PTPRA: variants seen among roughly 807,000 people sequenced by gnomAD.
PTPRA encodes the protein protein tyrosine phosphatase receptor type A.
PTPRA carries 25 observed loss-of-function variants against 104.8 expected under a neutral mutation model. The ratio of observed to expected loss-of-function variants is 0.24; its 90% CI spans 0.17 to 0.33. PTPRA has a LOEUF of 0.33. Ranked by LOEUF, PTPRA falls within the 10% of genes least tolerant of loss-of-function variation. The pLI, the probability that PTPRA is intolerant of heterozygous loss-of-function variation, is 1.00. For missense variants in PTPRA, 765 were observed against 1,015.3 expected (o/e 0.75, Z 3.35); for synonymous variants, 323 against 368.9 (o/e 0.88, Z 1.43).
At chr20:2,885,223 C>T (rs2090314878) in intron 1 of PTPRA, among the ~76,000 whole-genome samples, 1 of 152,092 alleles carries the variant, frequency 6.6e-6, no homozygotes, top group African/African-American at 2.4e-5. Context: ...TTTTTTTTAA[C>T]TGTAGCCATC....
chr20:2,879,918 G>A (rs142455593), intron 1 of PTPRA, among the ~76,000 whole-genome samples: 2 of 152,262 alleles, frequency 1.3e-5, no homozygotes, highest in Admixed American at 6.5e-5. Flanking sequence ...ATCACATCAG[G>A]ACTCATCCTC....
chr20:2,985,547 A>G (rs1475598960), intron 6 of PTPRA, among the ~76,000 whole-genome samples: 1 of 152,082 alleles, frequency 6.6e-6, no homozygotes, highest in Non-Finnish European at 1.5e-5. Context: ...GTGGAGGCGG[A>G]TGAGTCAGTG....
intron 11 of PTPRA, among the ~76,000 whole-genome samples, chr20:3,011,276 G>A (rs1474403996): frequency 6.6e-6 from 1 of 152,218 alleles, no homozygotes; most frequent in Non-Finnish European, 1.5e-5. Context: ...TAAGTGGGAA[G>A]CAGGGATTAA....
intron 3 of PTPRA, among the ~76,000 whole-genome samples, chr20:2,962,181 A>G (rs905141961): frequency 2.6e-5 from 4 of 152,232 alleles, no homozygotes; most frequent in African/African-American, 7.2e-5. Context: ...TTATTTGGGA[A>G]TAACTGACAT....
At chr20:2,942,915 T>TTAA (rs1447616248) in intron 2 of PTPRA, among the ~76,000 whole-genome samples, 4 of 151,968 alleles carry the variant, frequency 2.6e-5, no homozygotes, top group Non-Finnish European at 5.9e-5. Context: ...GTGATAAAGT[T>TTAA]TAATTTATAA....
intron 6 of PTPRA, among the ~76,000 whole-genome samples, chr20:2,985,492 A>G (rs894966025): frequency 6.6e-6 from 1 of 152,194 alleles, no homozygotes; most frequent in Non-Finnish European, 1.5e-5. Flanking sequence ...ATAGTTACCA[A>G]GCCACTCTGA....
At chr20:2,888,345 A>C (rs1414813315) in intron 1 of PTPRA, among the ~76,000 whole-genome samples, 2 of 152,126 alleles carry the variant, frequency 1.3e-5, no homozygotes, top group South Asian at 4.1e-4. Flanking sequence ...GGATCACTTG[A>C]GCCCAGGAGT....
intron 6 of PTPRA, 99 bp from the exon 7 acceptor site, chr20:2,986,666 T>A: frequency 2.0e-6 from 2 of 1,016,748 alleles, no homozygotes; most frequent in Non-Finnish European, 3.1e-6. Context: ...GCAGAAGGAC[T>A]GAATGAGCTC....
chr20:2,940,687 AAGAG>A (rs1043214280), intron 2 of PTPRA, among the ~76,000 whole-genome samples: 1 of 152,172 alleles, frequency 6.6e-6, no homozygotes, highest in African/African-American at 2.4e-5. Context: ...CAGAGAGAAA[AAGAG>A]AGAGAGAAAA....
chr20:2,953,128 T>C (rs2061407879), intron 3 of PTPRA, among the ~76,000 whole-genome samples: 1 of 152,232 alleles, frequency 6.6e-6, no homozygotes, highest in Admixed American at 6.5e-5. Context: ...GGAATTGCCA[T>C]ACTGATTTCT....
At chr20:2,924,849 T>A (rs1410394177) in intron 2 of PTPRA, among the ~76,000 whole-genome samples, 1 of 151,988 alleles carries the variant, frequency 6.6e-6, no homozygotes, top group East Asian at 1.9e-4. Flanking sequence ...CCCAGCTAAT[T>A]TTTGTATTTT....
At chr20:2,985,316 G>A (rs1386621898) in intron 6 of PTPRA, among the ~76,000 whole-genome samples, 2 of 152,234 alleles carry the variant, frequency 1.3e-5, no homozygotes, top group African/African-American at 4.8e-5. Context: ...CTGTGTTTCG[G>A]AAAGTCAGCT....
At chr20:2,967,149 C>G (rs2061975552) in intron 5 of PTPRA, among the ~76,000 whole-genome samples, 1 of 152,158 alleles carries the variant, frequency 6.6e-6, no homozygotes, top group African/African-American at 2.4e-5. Flanking sequence ...ACAAATTAGG[C>G]CTATTTCTCA....
Position 2,950,512 on chromosome 20 carries a change from A to G in PTPRA, c.-7+2488A>G, listed in dbSNP as rs1046175889. 4.6e-5 allele frequency among the ~76,000 whole-genome samples: 7 copies of G among 151,786 alleles called. No individual in the cohort carries two copies. Among genetic ancestry groups the G allele is most frequent in the African/African-American group, 1.5e-4 (6 of 41,368 alleles). On this transcript the variant is annotated intron_variant, in intron 3 of 23. Transcript: ENST00000399903. This position sits in a 1 kb window ranked among gnomAD's most constrained non-coding sequence, Gnocchi z 4.0. ...AAAAAAATTAGCCGGGCGTGGTGGC[A>G]GGCACCTGTAGTCCCAGCTACTCAG...
intron 2 of PTPRA, among the ~76,000 whole-genome samples, chr20:2,944,223 G>C (rs1464267017): frequency 6.6e-6 from 1 of 151,892 alleles, no homozygotes; most frequent in East Asian, 1.9e-4. Flanking sequence ...TTTATTTTTA[G>C]TAGATATAGG....
At chr20:2,969,212 C>CA (rs372710655) in intron 5 of PTPRA, among the ~76,000 whole-genome samples, 1,562 of 138,646 alleles carry the variant, frequency 0.011, 15 homozygotes, top group Middle Eastern at 0.044. Context: ...GACTCTATCT[C>CA]AAAAAAAAAA....
chr20:3,032,542 C>CCGAT (rs2065522073), intron 20 of PTPRA, among the ~76,000 whole-genome samples: 1 of 151,628 alleles, frequency 6.6e-6, no homozygotes, highest in Non-Finnish European at 1.5e-5. Flanking sequence ...CCAAGGTGGG[C>CCGAT]GGATCACAAA....
intron 19 of PTPRA, 66 bp from the exon 20 acceptor site, chr20:3,027,640 CT>C (rs2065212198): frequency 2.6e-6 from 4 of 1,560,042 alleles, no homozygotes; most frequent in Non-Finnish European, 3.5e-6. Context: ...TTCTAGTGGT[CT>C]GTCTTCTCCA....
At chr20:2,909,696 T>A (rs1320510133) in intron 1 of PTPRA, among the ~76,000 whole-genome samples, 1 of 147,696 alleles carries the variant, frequency 6.8e-6, no homozygotes, top group Non-Finnish European at 1.5e-5. Flanking sequence ...ATGCAGAAGT[T>A]TGAATTTCAT....
Sources: allele counts gnomAD v4.1 joint callset (sites outside exome capture counted in the v4.1 genomes callset), GRCh38; gene constraint gnomAD v4.1.1; non-coding constraint Gnocchi (gnomAD v3.1); transcripts MANE v1.5; gene names NCBI Gene and HGNC (gene_info 2026-07-23, HGNC 2026-07-21).